PAG1: variants seen among roughly 807,000 people sequenced by gnomAD.
PAG1 encodes the protein phosphoprotein associated with glycosphingolipid-enriched microdomains 1.
In PAG1, 23 loss-of-function variants were observed where a neutral mutation model predicts 31.7. The ratio of observed to expected loss-of-function variants is 0.73; its 90% CI spans 0.52 to 1.03. The LOEUF (loss-of-function observed/expected upper bound fraction) is 1.03. Among genes scored for constraint, PAG1 ranks in the 50% least tolerant of loss-of-function variants. The pLI is 0.00. For synonymous variants in PAG1, 214 were observed against 210.3 expected, an observed-to-expected ratio of 1.02 and a Z score of -0.15; for missense variants, 473 against 540.7, an observed-to-expected ratio of 0.87 and a Z score of 1.24.
chr8:81,032,553 A>G (rs951911524), intron 2 of PAG1, among the ~76,000 whole-genome samples: 1 of 152,218 alleles, frequency 6.6e-6, no homozygotes, highest in Non-Finnish European at 1.5e-5. Flanking sequence ...CTTGGCCATA[A>G]TAAACACGTC....
chr8:80,978,060 TAAGAC>T (rs1223655283), intron 8 of PAG1, among the ~76,000 whole-genome samples: 1 of 152,056 alleles, frequency 6.6e-6, no homozygotes, highest in African/African-American at 2.4e-5. Flanking sequence ...AGGCCTGTCT[TAAGAC>T]AGGCCTTCTT....
chr8:81,099,300 T>C (rs1234082304), intron 1 of PAG1, among the ~76,000 whole-genome samples: 3 of 152,216 alleles, frequency 2.0e-5, no homozygotes, highest in Non-Finnish European at 4.4e-5. Flanking sequence ...TGAGAGTATT[T>C]ATCTGACTTC....
At chr8:80,988,733 T>G (rs1807477232) in intron 5 of PAG1, among the ~76,000 whole-genome samples, 1 of 152,220 alleles carries the variant, frequency 6.6e-6, no homozygotes, top group African/African-American at 2.4e-5. Context: ...ATTACAGGCG[T>G]GAGCCACTGT....
At chr8:81,002,132 A>T (rs1389312177) in intron 3 of PAG1, among the ~76,000 whole-genome samples, 1 of 152,154 alleles carries the variant, frequency 6.6e-6, no homozygotes, top group African/African-American at 2.4e-5. Context: ...TACTGAGACC[A>T]GCACTATTTG....
chr8:80,985,708 G>T (rs892038229), intron 6 of PAG1, among the ~76,000 whole-genome samples: 1 of 152,166 alleles, frequency 6.6e-6, no homozygotes, highest in Non-Finnish European at 1.5e-5. Flanking sequence ...GTTTGATGCC[G>T]CTGAACTATG....
At chr8:81,105,627 G>A (rs543862368) in intron 1 of PAG1, among the ~76,000 whole-genome samples, 2 of 152,280 alleles carry the variant, frequency 1.3e-5, no homozygotes, top group African/African-American at 2.4e-5. Context: ...CTTAGAACAT[G>A]AGCTCCCTCA....
chr8:81,007,674 A>G (rs555471677), intron 3 of PAG1, among the ~76,000 whole-genome samples: 1 of 151,838 alleles, frequency 6.6e-6, no homozygotes, highest in East Asian at 1.9e-4. Flanking sequence ...CTTAAAAAAT[A>G]AAACACGGGA....
intron 3 of PAG1, among the ~76,000 whole-genome samples, chr8:81,021,329 T>C (rs1255501443): frequency 2.6e-5 from 4 of 152,030 alleles, no homozygotes; most frequent in Non-Finnish European, 5.9e-5. Context: ...AGTCTATTAT[T>C]AACAACTTAC....
At chr8:81,037,910 T>C (rs894662858) in intron 2 of PAG1, among the ~76,000 whole-genome samples, 26 of 152,256 alleles carry the variant, frequency 1.7e-4, no homozygotes, top group African/African-American at 6.0e-4. Flanking sequence ...ACTGGGACTT[T>C]AGCTGTCATT....
At position 80,984,816 on chromosome 8, in the gene PAG1, G is replaced by C. The variant is rs140643833; in HGVS notation, c.836C>G (p.Ala279Gly). 7.5e-4 allele frequency: 1,216 copies of C among 1,613,946 alleles called. 1 individual carries two copies. Among genetic ancestry groups the C allele is most frequent in the Middle Eastern group, 9.9e-4 (6 of 6,060 alleles). The change falls in exon 7 of 9, where the codon GCG becomes GGG. Residue 279 changes from alanine (A) to glycine (G), a missense_variant. Transcript: ENST00000220597. ...GGTCGTGTCTGTGGCACTCTCTTCC[G>C]CCTCTCCCCCTTCCTTCTCCTGAAG... ...ENLQEKEGGE[A>G]EESATDTTSE...
At chr8:81,039,962 T>C (rs1005759973) in intron 2 of PAG1, among the ~76,000 whole-genome samples, 6 of 152,050 alleles carry the variant, frequency 3.9e-5, no homozygotes, top group African/African-American at 1.4e-4. Context: ...TGAGGAAAAA[T>C]TTTAAAGAGC....
intron 2 of PAG1, among the ~76,000 whole-genome samples, chr8:81,044,302 A>T (rs1309612358): frequency 6.6e-6 from 1 of 152,172 alleles, no homozygotes; most frequent in Non-Finnish European, 1.5e-5. Context: ...GTAAGCCCTA[A>T]CCCATTAGGA....
Position 81,041,118 on chromosome 8 carries a change from C to A in PAG1, c.-174-11029G>T, listed in dbSNP as rs576110778. 2.0e-5 allele frequency among the ~76,000 whole-genome samples: 3 copies of A among 152,100 alleles called. No homozygotes were observed. In the East Asian group the frequency reaches 5.8e-4, roughly 29 times the overall value. On this transcript the variant is annotated intron_variant, in intron 2 of 8. Coordinates refer to ENST00000220597, the MANE Select transcript of PAG1 (RefSeq NM_018440.4). Reference sequence around the variant, plus strand: ...CCACAGAAGAAGAAAGAAGGAGAAACAAAAACACCCCTTGAATCTTAACTG... The same window carrying A: ...CCACAGAAGAAGAAAGAAGGAGAAAAAAAAACACCCCTTGAATCTTAACTG...
At chr8:81,013,040 A>C (rs1808011651) in intron 3 of PAG1, among the ~76,000 whole-genome samples, 1 of 152,184 alleles carries the variant, frequency 6.6e-6, no homozygotes, top group Admixed American at 6.5e-5. Context: ...TATCAGACCA[A>C]ATTTCAGACA....
At chr8:81,023,456 A>G (rs1488021459) in intron 3 of PAG1, among the ~76,000 whole-genome samples, 1 of 152,164 alleles carries the variant, frequency 6.6e-6, no homozygotes, top group Non-Finnish European at 1.5e-5. Context: ...TCAACCTGCA[A>G]TAATTTTTGT....
In PAG1 at chr8:81,044,979, T is replaced by G. The variant is rs150271151; in HGVS notation, c.-174-14890A>C. On this transcript the variant is annotated intron_variant, in intron 2 of 8. Transcript: ENST00000220597. ...TGCCCCCTATGCTGCACCTGGAGTA[T>G]TTTGCTGCTATTTTGCACTTGCTTG... 2.3e-3 allele frequency among the ~76,000 whole-genome samples: 350 copies of G among 152,208 alleles called. 2 individuals are homozygous for G. Among genetic ancestry groups the G allele is most frequent in the African/African-American group, 8.0e-3 (331 of 41,510 alleles).
chr8:81,076,032 A>C (rs1279626718), intron 1 of PAG1, among the ~76,000 whole-genome samples: 2 of 152,246 alleles, frequency 1.3e-5, no homozygotes, highest in African/African-American at 4.8e-5. Flanking sequence ...AACCTGTGAT[A>C]CAGTTATAAC....
chr8:80,982,831 A>G (rs1807336789), intron 7 of PAG1, among the ~76,000 whole-genome samples: 1 of 152,144 alleles, frequency 6.6e-6, no homozygotes, highest in Non-Finnish European at 1.5e-5. Context: ...TCCATCCGCA[A>G]ATCTCTTGGC....
intron 1 of PAG1, among the ~76,000 whole-genome samples, chr8:81,105,621 G>C (rs1809681913): frequency 6.6e-6 from 1 of 152,138 alleles, no homozygotes; most frequent in South Asian, 2.1e-4. Flanking sequence ...CTTTGACTTA[G>C]AACATGAGCT....
Sources: allele counts gnomAD v4.1 joint callset (sites outside exome capture counted in the v4.1 genomes callset), GRCh38; gene constraint gnomAD v4.1.1; transcripts MANE v1.5; gene names NCBI Gene and HGNC (gene_info 2026-07-23, HGNC 2026-07-21).